PTK2: variants seen among roughly 807,000 people sequenced by gnomAD.
The protein encoded by PTK2 is focal adhesion kinase 1.
PTK2 carries 45 observed loss-of-function variants against 150.1 expected under a neutral mutation model. That is an observed-to-expected ratio of 0.30 (90% CI 0.24 to 0.38). The LOEUF is 0.38. Among genes scored for constraint, PTK2 ranks in the 10% least tolerant of loss-of-function variants. The pLI is 1.00. For synonymous variants in PTK2, 432 were observed against 449.2 expected (o/e 0.96, Z 0.48); for missense variants, 919 against 1,307.3 (o/e 0.70, Z 4.58).
At chr8:140,800,722 G>A in intron 11 of PTK2, 146 bp from the exon 12 acceptor site, 4 of 626,368 alleles carry the variant, frequency 6.4e-6, no homozygotes, top group Non-Finnish European at 1.1e-5. Flanking sequence ...ATTTGAGAAA[G>A]GAAATCTGAT....
rs2100059060 is a variant in PTK2, at chr8:140,746,799, A to T, written c.1479T>A (p.Asn493Lys). The T allele has an allele frequency of 6.2e-7, 1 of 1,613,312 alleles. No individual in the cohort carries two copies. Among genetic ancestry groups the T allele is most frequent in the Non-Finnish European group, 8.5e-7 (1 of 1,179,498 alleles). ...ACAGCTCCATGATTATCCAGACAGG[A>T]TTCTCTGTGATGACTCCAATCAGCT... The change falls in exon 18 of 32, where the codon AAT becomes AAA. Residue 493 changes from asparagine to lysine, a missense_variant. Asn to Lys is a moderately conservative substitution (Grantham distance 94). This residue lies in a region of PTK2 where 555 missense variants were observed against 880.1 expected (regional missense o/e 0.63). Coordinates refer to ENST00000522684, the Ensembl canonical transcript of PTK2.
chr8:140,868,208 T>C (rs536755700), intron 4 of PTK2, among the ~76,000 whole-genome samples: 71 of 152,282 alleles, frequency 4.7e-4, no homozygotes, highest in Admixed American at 1.7e-3. Flanking sequence ...ATTAAGAATA[T>C]GATAGTCCTG....
chr8:140,837,036 G>A (rs2100119056), intron 7 of PTK2, among the ~76,000 whole-genome samples: 2 of 152,116 alleles, frequency 1.3e-5, no homozygotes, highest in Non-Finnish European at 2.9e-5. Flanking sequence ...CACTGTATTG[G>A]TTTGTCAATA....
At chr8:140,708,434 T>C (rs1225879584) in intron 23 of PTK2, among the ~76,000 whole-genome samples, 1 of 152,204 alleles carries the variant, frequency 6.6e-6, no homozygotes, top group Non-Finnish European at 1.5e-5. Flanking sequence ...CAGCCTAACA[T>C]AAACATATGT....
exon 14 of PTK2, chr8:140,789,481 A>G (rs1474745192): frequency 1.9e-6 from 3 of 1,613,244 alleles, no homozygotes; most frequent in South Asian, 2.2e-5. Context: ...TACCTGACAC[A>G]GAGACGGCGT....
intron 4 of PTK2, among the ~76,000 whole-genome samples, chr8:140,864,682 G>T (rs2100138244): frequency 1.3e-5 from 2 of 152,148 alleles, no homozygotes; most frequent in African/African-American, 4.8e-5. Flanking sequence ...CACTGCTCAG[G>T]GGAAGAACTG....
At chr8:140,658,838 G>A (rs2075711289) in exon 32 of PTK2, 3 of 225,346 alleles carry the variant, frequency 1.3e-5, no homozygotes, top group African/African-American at 2.2e-5. Context: ...GCTAGTTCCC[G>A]ACCCAATGCT....
At chr8:140,860,513 C>T (rs1434018379) in intron 5 of PTK2, among the ~76,000 whole-genome samples, 7 of 152,178 alleles carry the variant, frequency 4.6e-5, no homozygotes, top group Non-Finnish European at 8.8e-5. Flanking sequence ...CTTGCTCTGT[C>T]GCCCAGGCTG....
intron 18 of PTK2, among the ~76,000 whole-genome samples, chr8:140,746,263 C>T (rs985167055): frequency 6.6e-6 from 1 of 151,866 alleles, no homozygotes. Context: ...CCCAGGAGGT[C>T]GAGGCTGCAG....
intron 12 of PTK2, among the ~76,000 whole-genome samples, chr8:140,799,633 C>A (rs1183546028): frequency 1.3e-5 from 2 of 152,130 alleles, no homozygotes; most frequent in Non-Finnish European, 2.9e-5. Context: ...ACAGGAACAA[C>A]AATACAACTA....
rs377714688 is a variant in PTK2 at position 140,681,277 on chromosome 8, C to T, written c.2562+5355G>A. 8.0e-5 allele frequency among the ~76,000 whole-genome samples: 12 copies of T among 150,872 alleles called. No homozygotes were observed. In the East Asian group the frequency reaches 1.4e-3, roughly 17 times the overall value. Reference sequence around the variant, plus strand: ...CTGAGGCAGGAGAATCTCTTGAGCCCGGTAAGCAGAAGATGCAGTGAGCCG... The same window carrying T: ...CTGAGGCAGGAGAATCTCTTGAGCCTGGTAAGCAGAAGATGCAGTGAGCCG... On this transcript the variant is annotated intron_variant, in intron 27 of 31. Coordinates refer to ENST00000522684, the Ensembl canonical transcript of PTK2.
At chr8:140,966,898 C>T (rs9324539) in intron 1 of PTK2, among the ~76,000 whole-genome samples, 63,497 of 152,004 alleles carry the variant, frequency 0.42, 15,181 homozygotes, top group Non-Finnish European at 0.55. Flanking sequence ...TTCATTATCA[C>T]GTAGAATATT....
intron 20 of PTK2, among the ~76,000 whole-genome samples, chr8:140,740,758 G>A (rs917252616): frequency 1.3e-5 from 2 of 152,192 alleles, no homozygotes; most frequent in African/African-American, 4.8e-5. Context: ...ATAATGAAAA[G>A]TTGACTTCGT....
At chr8:140,882,314 C>T (rs2100149632) in intron 3 of PTK2, among the ~76,000 whole-genome samples, 1 of 152,190 alleles carries the variant, frequency 6.6e-6, no homozygotes, top group Non-Finnish European at 1.5e-5. Context: ...ACCAACCCTA[C>T]AGTGCTGCCA....
intron 1 of PTK2, among the ~76,000 whole-genome samples, chr8:140,975,974 A>G (rs1404175739): frequency 6.6e-6 from 1 of 152,272 alleles, no homozygotes; most frequent in Non-Finnish European, 1.5e-5. Context: ...CTGTGCCTTT[A>G]GTAGTAAAAC....
intron 2 of PTK2, among the ~76,000 whole-genome samples, chr8:140,916,027 A>G (rs1001236703): frequency 1.8e-4 from 27 of 152,326 alleles, no homozygotes; most frequent in African/African-American, 5.8e-4. Flanking sequence ...AATAATGAGG[A>G]CCAGAAAAAG....
intron 5 of PTK2, among the ~76,000 whole-genome samples, chr8:140,858,545 C>A (rs1237806845): frequency 6.6e-6 from 1 of 151,764 alleles, no homozygotes; most frequent in South Asian, 2.1e-4. Context: ...AGACAGGTCA[C>A]CTACACAGAA....
chr8:140,813,882 T>C (rs560074244), intron 10 of PTK2, among the ~76,000 whole-genome samples: 7 of 150,758 alleles, frequency 4.6e-5, no homozygotes, highest in East Asian at 1.9e-4. Context: ...GTTGTTTTTT[T>C]AAAAAAAAAT....
intron 26 of PTK2, among the ~76,000 whole-genome samples, chr8:140,698,641 A>G (rs2154050452): frequency 6.6e-6 from 1 of 151,810 alleles, no homozygotes; most frequent in Admixed American, 6.6e-5. Context: ...TTTGAGACGG[A>G]GTTTCACTCT....
Sources: gnomAD v4.1 joint callset for allele counts (sites outside exome capture counted in the v4.1 genomes callset) on GRCh38, gnomAD v4.1.1 for gene constraint, gnomAD v4.1.1 regional missense constraint, MANE v1.5 for transcripts, NCBI Gene and HGNC (gene_info 2026-07-23, HGNC 2026-07-21) for gene names.